Variants in OR1S1 observed in about 807,000 individuals in gnomAD.
OR1S1 encodes olfactory receptor family 1 subfamily S member 1, also known as olfactory receptor 1S1.
For missense variants in OR1S1, 411 were observed against 367.5 expected, an observed-to-expected ratio of 1.12 and a Z score of -0.97; for synonymous variants, 156 against 143.9, an observed-to-expected ratio of 1.08 and a Z score of -0.60.
In OR1S1 at chr11:58,215,554, C is replaced by T. The variant is rs769712075; in HGVS notation, c.771C>T (p.Gly257=). 4.2e-5 allele frequency: 67 copies of T among 1,613,930 alleles called. No individual in the cohort carries two copies. The East Asian group carries it at 5.3e-4, about 13-fold the overall frequency. The change falls in exon 2 of 2, where the codon GGC becomes GGT. Residue 257 remains glycine, a synonymous_variant. Coordinates refer to ENST00000641544, the Ensembl canonical transcript of OR1S1. Reference sequence around the variant, plus strand: ...TACTGTTCTACGGAACCATTGTAGGCGTGTACTTTTTCCCCTCCTCCACTC... The same window carrying T: ...TACTGTTCTACGGAACCATTGTAGGTGTGTACTTTTTCCCCTCCTCCACTC...
chr11:58,213,800 C>T (rs1300334941), intron 1 of OR1S1, among the ~76,000 whole-genome samples: 1 of 152,120 alleles, frequency 6.6e-6, no homozygotes, highest in Non-Finnish European at 1.5e-5. Flanking sequence ...TTATGCGGTT[C>T]CCTGACAAGG....
chr11:58,213,027 T>C (rs1854974974), intron 1 of OR1S1, among the ~76,000 whole-genome samples, 190 bp downstream of exon 1: 1 of 152,226 alleles, frequency 6.6e-6, no homozygotes, highest in Admixed American at 6.5e-5. Flanking sequence ...TCTGCATGTG[T>C]TTTCTCTTGT....
rs1368130782 is a variant in OR1S1 at position 58,214,867 on chromosome 11, TG to T, written c.85del (p.Val29CysfsTer11). On this transcript the variant is annotated frameshift_variant, in exon 2 of 2. Coordinates refer to ENST00000641544, the Ensembl canonical transcript of OR1S1. LOFTEE classifies it low-confidence loss of function (END_TRUNC). ...AGGATGAGCATCAAAACCTCCTCTT[TG>T]TGCTTTTCTTGGGTATGTACCTGGT... The T allele has an allele frequency of 6.2e-7, 1 of 1,614,126 alleles. No individual in the cohort carries two copies. Among genetic ancestry groups the T allele is most frequent in the Non-Finnish European group, 8.5e-7 (1 of 1,179,994 alleles).
chr11:58,215,932 G>T (rs183774870), exon 2 of OR1S1: 1 of 596,182 alleles, frequency 1.7e-6, no homozygotes, highest in East Asian at 2.9e-5. Flanking sequence ...AGAATAACAC[G>T]CATCCTTAGA....
At chr11:58,215,130 G>A in exon 2 of OR1S1, 1 of 1,614,026 alleles carries the variant, frequency 6.2e-7, no homozygotes, top group Non-Finnish European at 8.5e-7. Flanking sequence ...TTGCTCTTGG[G>A]GACCATGGCC....
In OR1S1 at chr11:58,214,085, G is replaced by A. The variant is rs556421428; in HGVS notation, c.-55-644G>A. On this transcript the variant is annotated intron_variant, in intron 1 of 1. Coordinates refer to ENST00000641544, the Ensembl canonical transcript of OR1S1. Reference sequence around the variant, plus strand: ...ATCTTTTCTCTTTACCCCTGCCATCGTAGCCTGATCCAGTGAGCCCCTTTA... The same window carrying A: ...ATCTTTTCTCTTTACCCCTGCCATCATAGCCTGATCCAGTGAGCCCCTTTA... 8.6e-5 allele frequency among the ~76,000 whole-genome samples: 13 copies of A among 151,874 alleles called. No homozygotes were observed. In the South Asian group the frequency reaches 1.0e-3, roughly 12 times the overall value.
chr11:58,215,882 G>T, exon 2 of OR1S1: 1 of 870,460 alleles, frequency 1.1e-6, no homozygotes, highest in Non-Finnish European at 1.8e-6. Flanking sequence ...CTTAGCTCTT[G>T]TCTTGGAAAC....
chr11:58,213,081 G>A (rs1391531918), intron 1 of OR1S1, among the ~76,000 whole-genome samples: 1 of 152,210 alleles, frequency 6.6e-6, no homozygotes, highest in Non-Finnish European at 1.5e-5. Context: ...AGAGACTTCA[G>A]ATCTCTGCTT....
chr11:58,214,182 C>A (rs910563824), intron 1 of OR1S1, among the ~76,000 whole-genome samples: 4 of 152,082 alleles, frequency 2.6e-5, no homozygotes, highest in South Asian at 2.1e-4. Flanking sequence ...AATATGTAGC[C>A]ACAGATGAAG....
intron 1 of OR1S1, among the ~76,000 whole-genome samples, chr11:58,213,068 G>A (rs546264986): frequency 6.6e-6 from 1 of 152,258 alleles, no homozygotes; most frequent in Non-Finnish European, 1.5e-5. Flanking sequence ...ATTTCAGGAG[G>A]AAAGAGACTT....
exon 2 of OR1S1, chr11:58,215,623 G>A (rs148677025): frequency 6.2e-7 from 1 of 1,614,008 alleles, no homozygotes; most frequent in South Asian, 1.1e-5. Flanking sequence ...TATTCACTGT[G>A]GTGACACCCA....
chr11:58,214,808 A>G (rs775083801), exon 2 of OR1S1: 19 of 1,614,018 alleles, frequency 1.2e-5, no homozygotes, highest in Non-Finnish European at 1.5e-5. Flanking sequence ...CCAAACCACC[A>G]TCACTGAATT....
intron 1 of OR1S1, among the ~76,000 whole-genome samples, chr11:58,214,159 T>C (rs987968691): frequency 6.6e-5 from 10 of 152,156 alleles, no homozygotes; most frequent in Admixed American, 5.9e-4. Flanking sequence ...GCCCCCTAAA[T>C]TTTCTTGAGG....
At chr11:58,213,468 C>A (rs1367071071) in intron 1 of OR1S1, among the ~76,000 whole-genome samples, 1 of 152,180 alleles carries the variant, frequency 6.6e-6, no homozygotes, top group Non-Finnish European at 1.5e-5. Flanking sequence ...AAGCATGGGT[C>A]CTCCCTTGTG....
exon 2 of OR1S1, chr11:58,215,123 C>T (rs757020150): frequency 1.2e-6 from 2 of 1,614,038 alleles, no homozygotes; most frequent in South Asian, 2.2e-5. Flanking sequence ...TGACAATTTG[C>T]TCTTGGGGAC....
rs776291125 is a variant in OR1S1, at chr11:58,215,457, T to C, written c.674T>C (p.Val225Ala). ...TCCTATGTCTGCATCATCAGAGCTG[T>C]CCTGAGAGTATCTTCCACACAGGGA... is the stretch of plus-strand genomic sequence containing the variant. Residue 225 changes from valine (V) to alanine (A), a missense_variant, in exon 2 of 2, where the codon GTC becomes GCC. Physicochemically the swap from Val to Ala is moderately conservative, Grantham distance 64. Coordinates refer to ENST00000641544, the Ensembl canonical transcript of OR1S1. 6 of 1,614,194 alleles carry C rather than the reference T, an allele frequency of 3.7e-6. No homozygotes were observed. In the East Asian group the frequency reaches 1.3e-4, roughly 36 times the overall value.
At chr11:58,215,856 G>C (rs2120068988) in exon 2 of OR1S1, 1 of 1,157,912 alleles carries the variant, frequency 8.6e-7, no homozygotes, top group South Asian at 1.6e-5. Flanking sequence ...CCTCTGAAGG[G>C]GTTGGAGCTT....
chr11:58,215,233 CCT>C lies in OR1S1; in HGVS notation c.452_453del (p.Leu151GlnfsTer2), dbSNP rs1852918910. The stretch of plus-strand genomic sequence containing the variant: ...TTTTGCTCACAGTCATCTCATGGTT[CCT>C]CAGTAATATTATTGCTCTGACACAC... On this transcript the variant is annotated frameshift_variant, in exon 2 of 2. Coordinates refer to ENST00000641544, the Ensembl canonical transcript of OR1S1. LOFTEE classifies it low-confidence loss of function (END_TRUNC). 1 of 1,613,942 alleles carries C rather than the reference CCT, an allele frequency of 6.2e-7. No homozygotes were observed. Among genetic ancestry groups the C allele is most frequent in the Non-Finnish European group, 8.5e-7 (1 of 1,180,014 alleles).
At chr11:58,213,153 C>T (rs906558471) in intron 1 of OR1S1, among the ~76,000 whole-genome samples, 34 of 152,262 alleles carry the variant, frequency 2.2e-4, no homozygotes, top group Non-Finnish European at 3.5e-4. Flanking sequence ...CTTTTCTGGC[C>T]TCTGAATGGA....
Sources: allele counts gnomAD v4.1 joint callset (sites outside exome capture counted in the v4.1 genomes callset), GRCh38; gene constraint gnomAD v4.1.1; transcripts MANE v1.5; gene names NCBI Gene and HGNC (gene_info 2026-07-23, HGNC 2026-07-21).